STK3: variants seen among roughly 807,000 people sequenced by gnomAD.
STK3 encodes the protein serine/threonine kinase 3, also known as serine/threonine-protein kinase 3.
Under a neutral mutation model 58.0 loss-of-function variants are expected in STK3, and 41 were observed. The observed-to-expected ratio is 0.71, with a 90% confidence interval of 0.55 to 0.92. The LOEUF is 0.92. Ranked by LOEUF, STK3 falls within the 40% of genes least tolerant of loss-of-function variation. The pLI is 0.00. For missense variants in STK3, 479 were observed against 602.7 expected (o/e 0.79, Z 2.15); for synonymous variants, 170 against 191.0 (o/e 0.89, Z 0.91).
chr8:98,723,359 G>A (rs1270613254), intron 4 of STK3, among the ~76,000 whole-genome samples: 1 of 152,050 alleles, frequency 6.6e-6, no homozygotes, highest in Non-Finnish European at 1.5e-5. Context: ...AGATGGTTTT[G>A]ATAGGCTTTA....
intron 6 of STK3, among the ~76,000 whole-genome samples, chr8:98,624,710 C>T (rs1393642359): frequency 1.3e-5 from 2 of 151,744 alleles, no homozygotes; most frequent in Admixed American, 6.6e-5. Flanking sequence ...AAAAATGAGC[C>T]GGGTATGGTG....
intron 3 of STK3, among the ~76,000 whole-genome samples, chr8:98,833,407 G>A (rs756430752): frequency 5.7e-4 from 86 of 152,194 alleles, no homozygotes; most frequent in Non-Finnish European, 1.8e-4. Context: ...AAAGGGAATA[G>A]ATGGTAAATG....
intron 10 of STK3, among the ~76,000 whole-genome samples, chr8:98,491,116 A>G (rs1822648327): frequency 6.6e-6 from 1 of 151,762 alleles, no homozygotes; most frequent in African/African-American, 2.4e-5. Context: ...ATTACTGTGT[A>G]GTGGCATCCT....
rs190689037 is a variant in STK3, at chr8:98,570,508, C to T, written c.948+9156G>A. Among the ~76,000 whole-genome samples the T allele has an allele frequency of 2.2e-4, 33 of 152,030 alleles. No homozygotes were observed. The East Asian group carries it at 6.4e-3, about 29-fold the overall frequency. ...ACCAACTCTTCCAAACATATTTGACCAGTTAAAATTTGTTTTAAAATGTTT... is the reference window on the plus strand; with the variant it reads ...ACCAACTCTTCCAAACATATTTGACTAGTTAAAATTTGTTTTAAAATGTTT... On this transcript the variant is annotated intron_variant, in intron 8 of 10. Transcript: ENST00000419617.
chr8:98,759,405 A>G (rs1321471714), intron 3 of STK3, among the ~76,000 whole-genome samples: 2 of 152,188 alleles, frequency 1.3e-5, no homozygotes, highest in African/African-American at 2.4e-5. Flanking sequence ...ACATTTATCA[A>G]TTTAGTTCAC....
chr8:98,664,285 C>G (rs1486597597), intron 6 of STK3, among the ~76,000 whole-genome samples: 3 of 152,152 alleles, frequency 2.0e-5, no homozygotes, highest in Admixed American at 2.0e-4. Context: ...AAAAGGGGAT[C>G]AGCACTTAAT....
chr8:98,421,593 T>C (rs553149114), intron 3 of STK3, among the ~76,000 whole-genome samples: 115 of 152,182 alleles, frequency 7.6e-4, no homozygotes, highest in African/African-American at 2.7e-3. Flanking sequence ...CTGGCTAACA[T>C]GGTGAAACCT....
chr8:98,630,511 C>A (rs1190031650), intron 6 of STK3, among the ~76,000 whole-genome samples: 1 of 152,006 alleles, frequency 6.6e-6, no homozygotes, highest in Admixed American at 6.6e-5. Context: ...GGGGTGGTGG[C>A]ACACGCCTGA....
intron 1 of STK3, among the ~76,000 whole-genome samples, chr8:98,890,379 A>G (rs1163777253): frequency 1.3e-5 from 2 of 152,224 alleles, no homozygotes; most frequent in Admixed American, 6.5e-5. Flanking sequence ...TCAAAATGGG[A>G]CAGCTGACAG....
At chr8:98,785,175 G>A (rs966972259) in intron 1 of STK3, among the ~76,000 whole-genome samples, 3 of 152,114 alleles carry the variant, frequency 2.0e-5, no homozygotes, top group Non-Finnish European at 2.9e-5. Context: ...GTACAGGCAG[G>A]CCCTCCCTGC....
At chr8:98,894,940 T>C (rs1280396483) in intron 1 of STK3, among the ~76,000 whole-genome samples, 1 of 152,176 alleles carries the variant, frequency 6.6e-6, no homozygotes, top group Non-Finnish European at 1.5e-5. Flanking sequence ...GGATAGGAAC[T>C]CATTGAGTAC....
intron 1 of STK3, among the ~76,000 whole-genome samples, chr8:98,815,713 C>T (rs1013155886): frequency 2.0e-5 from 3 of 152,116 alleles, no homozygotes; most frequent in African/African-American, 7.2e-5. Context: ...AGACAGGGAA[C>T]TAATTCGTTA....
rs535149122 is a variant in STK3 at position 98,804,932 on chromosome 8, A to G, written c.26+20583T>C. Among the ~76,000 whole-genome samples, 5 of 152,308 alleles carry G rather than the reference A, an allele frequency of 3.3e-5. No homozygotes were observed. In the South Asian group the frequency reaches 1.0e-3, roughly 32 times the overall value. On this transcript the variant is annotated intron_variant, in intron 1 of 10. Transcript: ENST00000419617. ...CTAATGGCGGAACACTGCTGACTGT[A>G]TAAGATGAACCAAGATACTCTTCCT...
chr8:98,892,887 G>A (rs557583489), intron 1 of STK3, among the ~76,000 whole-genome samples: 34 of 152,116 alleles, frequency 2.2e-4, no homozygotes, highest in African/African-American at 7.0e-4. Context: ...TATTAACAAC[G>A]TTAGCAATTC....
chr8:98,940,857 G>A (rs1840392994), intron 1 of STK3, among the ~76,000 whole-genome samples: 1 of 152,258 alleles, frequency 6.6e-6, no homozygotes, highest in African/African-American at 2.4e-5. Flanking sequence ...AGGCTCTGGG[G>A]TGGGGGACAC....
At chr8:98,422,691 C>T (rs971172058) in intron 3 of STK3, among the ~76,000 whole-genome samples, 26 of 152,168 alleles carry the variant, frequency 1.7e-4, no homozygotes, top group Non-Finnish European at 4.4e-5. Context: ...GCAGGCAGGC[C>T]CTGCCCTAAG....
intron 9 of STK3, among the ~76,000 whole-genome samples, chr8:98,535,783 A>G (rs1326000188): frequency 6.6e-6 from 1 of 152,188 alleles, no homozygotes; most frequent in Non-Finnish European, 1.5e-5. Flanking sequence ...GGAGAAAAAT[A>G]AAATCTCAGA....
chr8:98,426,474 C>T (rs1818234217), intron 3 of STK3, among the ~76,000 whole-genome samples: 1 of 152,208 alleles, frequency 6.6e-6, no homozygotes, highest in Non-Finnish European at 1.5e-5. Context: ...CCGACCAGAA[C>T]TCAGCGACTC....
At chr8:98,766,292 T>C (rs906990238) in intron 3 of STK3, among the ~76,000 whole-genome samples, 2 of 152,226 alleles carry the variant, frequency 1.3e-5, no homozygotes, top group Admixed American at 6.5e-5. Context: ...TCTTAGATCC[T>C]GGCACAGTAC....
Sources: allele counts gnomAD v4.1 joint callset (sites outside exome capture counted in the v4.1 genomes callset), GRCh38; gene constraint gnomAD v4.1.1; transcripts MANE v1.5; gene names NCBI Gene and HGNC (gene_info 2026-07-23, HGNC 2026-07-21).